The following BOD1L1 variants were observed in gnomAD, a reference collection of about 807,000 sequenced individuals.
BOD1L1 encodes biorientation of chromosomes in cell division protein 1-like 1.
A neutral mutation model predicts 240.7 loss-of-function variants in BOD1L1; 86 were observed. The ratio of observed to expected loss-of-function variants is 0.36; its 90% CI spans 0.30 to 0.43. The LOEUF is 0.43. BOD1L1 is among the 20% of genes least tolerant of loss of function. BOD1L1 has a pLI of 1.00. For missense variants in BOD1L1, 3,554 were observed against 3,643.5 expected (o/e 0.98, Z 0.63); for synonymous variants, 1,268 against 1,272.3 (o/e 1.00, Z 0.07).
chr4:13,599,067 G>A lies in BOD1L1; in HGVS notation c.7833C>T (p.Gly2611=). The A allele has an allele frequency of 6.2e-7, 1 of 1,613,922 alleles. No homozygotes were observed. The highest frequency in any genetic ancestry group is 1.1e-5 in the South Asian group (1 of 91,082). ...CAGCAGATGCTTGATCAGTCCATTT[G>A]CCACTATAATCATTCTTTATAGTCA... ...QDLTIKNDYS[G]KWTDQASAEK... is the part of the protein sequence containing the mutation. The change falls in exon 10 of 26, where the codon GGC becomes GGT. Residue 2611 remains glycine, a synonymous_variant. Transcript: ENST00000040738.
chr4:13,603,452 C>T lies in BOD1L1; in HGVS notation c.3448G>A (p.Asp1150Asn). The T allele has an allele frequency of 6.2e-7, 1 of 1,613,810 alleles. No individual in the cohort carries two copies. The highest frequency in any genetic ancestry group is 8.5e-7 in the Non-Finnish European group (1 of 1,179,850). The change falls in exon 10 of 26, where the codon GAC becomes AAC. Residue 1150 changes from aspartate (D) to asparagine (N), a missense_variant. Asp to Asn is a conservative substitution (Grantham distance 23). Transcript: ENST00000040738. The part of the protein sequence containing the change: ...NRNNNSQQDI[D>N]SENMKQKTSA... ...GTTTTTTGTTTCATATTTTCAGAGT[C>T]AATGTCTTGCTGAGAATTATTATTG...
At chr4:13,571,832 G>T (rs770801950) in intron 25 of BOD1L1, among the ~76,000 whole-genome samples, 1 of 152,180 alleles carries the variant, frequency 6.6e-6, no homozygotes, top group Non-Finnish European at 1.5e-5. Context: ...TAAAATAAGA[G>T]TAACTATTAC....
intron 25 of BOD1L1, among the ~76,000 whole-genome samples, chr4:13,576,430 A>C (rs1034502639): frequency 6.6e-6 from 1 of 152,180 alleles, no homozygotes; most frequent in African/African-American, 2.4e-5. Flanking sequence ...GGTGAGATGC[A>C]TGTGATGACG....
intron 13 of BOD1L1, among the ~76,000 whole-genome samples, chr4:13,591,705 GTTCTTTA>G (rs1714233933): frequency 6.6e-6 from 1 of 152,098 alleles, no homozygotes; most frequent in South Asian, 2.1e-4. Context: ...AAAGTTCAAA[GTTCTTTA>G]TCAGTGGGTA....
chr4:13,597,475 A>T (rs1714719183), intron 10 of BOD1L1, among the ~76,000 whole-genome samples: 2 of 152,226 alleles, frequency 1.3e-5, no homozygotes, highest in Non-Finnish European at 2.9e-5. Flanking sequence ...TTCTGCAGTG[A>T]TCTCCATCAA....
intron 1 of BOD1L1, among the ~76,000 whole-genome samples, chr4:13,622,604 C>A (rs1382507093): frequency 1.3e-5 from 2 of 152,174 alleles, no homozygotes; most frequent in African/African-American, 4.8e-5. Context: ...AAAATACACC[C>A]AGAATCTGAC....
rs1716514174 is a variant in BOD1L1, at chr4:13,615,468, T to C, written c.403A>G (p.Ile135Val). Residue 135 changes from isoleucine (I) to valine (V), a missense_variant, in exon 3 of 26, where the codon ATT becomes GTT. Ile to Val is a conservative substitution (Grantham distance 29). Coordinates refer to ENST00000040738, the MANE Select transcript of BOD1L1 (RefSeq NM_148894.3). ...ATCTTTGGGTCCACAACCTGAGAAA[T>C]AATTCGGTCAATACCAGACTCCAAC... The part of the protein sequence containing the change: ...GMLESGIDRI[I>V]SQVVDPKINH... The C allele has an allele frequency of 6.2e-7, 1 of 1,612,412 alleles. No homozygotes were observed. The highest frequency in any genetic ancestry group is 1.3e-5 in the African/African-American group (1 of 74,898).
intron 25 of BOD1L1, among the ~76,000 whole-genome samples, chr4:13,571,202 T>G (rs1712179092): frequency 6.6e-6 from 1 of 152,190 alleles, no homozygotes; most frequent in African/African-American, 2.4e-5. Flanking sequence ...CTGCTGAGAT[T>G]TATTCATTTT....
rs770795351 is a variant in BOD1L1, at chr4:13,600,575, T to C, written c.6325A>G (p.Arg2109Gly). Residue 2109 changes from arginine (R) to glycine (G), a missense_variant, in exon 10 of 26, where the codon AGA (arginine) becomes GGA (glycine). Arg to Gly is a moderately radical substitution (Grantham distance 125). Transcript: ENST00000040738. ...GCCTCAAATTCTTCTGTGGTTACTC[T>C]GGTACCTTCCATATTTTCTTCAGTT... ...LRTEENMEGT[R>G]VTTEEFEAPM... 6 of 1,613,818 alleles carry C rather than the reference T, an allele frequency of 3.7e-6. No homozygotes were observed. In the South Asian group the frequency reaches 6.6e-5, roughly 18 times the overall value.
chr4:13,620,438 G>C (rs566572630), intron 1 of BOD1L1, among the ~76,000 whole-genome samples: 1 of 152,300 alleles, frequency 6.6e-6, no homozygotes, highest in South Asian at 2.1e-4. Context: ...AATGAGAATG[G>C]CTGGCTTTGC....
chr4:13,625,096 T>A (rs1468312320), intron 1 of BOD1L1: 2 of 152,208 alleles, frequency 1.3e-5, no homozygotes, highest in African/African-American at 4.8e-5. Flanking sequence ...CTATTCCTAT[T>A]TCTAATTTTT....
intron 2 of BOD1L1, among the ~76,000 whole-genome samples, chr4:13,617,271 A>G (rs1716688534): frequency 1.4e-5 from 2 of 143,290 alleles, no homozygotes; most frequent in South Asian, 4.2e-4. Context: ...AGAAAATAGA[A>G]AAAAAAGTAC....
At chr4:13,577,896 G>T in intron 22 of BOD1L1, 1 of 317,710 alleles carries the variant, frequency 3.1e-6, no homozygotes, top group Non-Finnish European at 5.7e-6. Flanking sequence ...TAAGAAGTTG[G>T]ATTAGACTAC....
intron 3 of BOD1L1, 138 bp from the exon 4 acceptor site, chr4:13,614,948 G>C: frequency 1.0e-6 from 1 of 953,350 alleles, no homozygotes. Flanking sequence ...TAGACTTTCA[G>C]GTACCAGTAC....
intron 1 of BOD1L1, among the ~76,000 whole-genome samples, chr4:13,626,639 G>C (rs528287511): frequency 6.6e-6 from 1 of 152,208 alleles, no homozygotes; most frequent in African/African-American, 2.4e-5. Context: ...GAACCTTGTT[G>C]CTGTCCTTTC....
chr4:13,595,715 A>T lies in BOD1L1; in HGVS notation c.8104+145T>A, dbSNP rs577184803. The T allele has an allele frequency of 8.8e-6, 5 of 571,046 alleles. No homozygotes were observed. In the South Asian group the frequency reaches 1.4e-4, roughly 15 times the overall value. The allele number at this position is 571,046 out of a possible 1,614,324, so 35.4% of individuals were successfully genotyped here. ...TATGTTAAAAATAAAATAGTAAAGA[A>T]TTCTCCCTAATCTATTTTAAAAAGT... On this transcript the variant is annotated intron_variant, in intron 12 of 25. Coordinates refer to ENST00000040738, the MANE Select transcript of BOD1L1 (RefSeq NM_148894.3).
At chr4:13,617,833 T>C (rs1359959572) in intron 2 of BOD1L1, among the ~76,000 whole-genome samples, 3 of 152,182 alleles carry the variant, frequency 2.0e-5, no homozygotes, top group Admixed American at 6.5e-5. Context: ...TGAAATTATA[T>C]TTATTTACAG....
chr4:13,626,677 GCT>G (rs1362474971), intron 1 of BOD1L1, among the ~76,000 whole-genome samples: 1 of 152,030 alleles, frequency 6.6e-6, no homozygotes, highest in Non-Finnish European at 1.5e-5. Context: ...TCCTGAATCT[GCT>G]CTCTTTCCTG....
At position 13,604,608 on chromosome 4, in the gene BOD1L1, T is replaced by C. The variant is rs775536185; in HGVS notation, c.2292A>G (p.Lys764=). 8.9e-6 allele frequency: 14 copies of C among 1,575,568 alleles called. No homozygotes were observed. In the South Asian group the frequency reaches 1.7e-4, roughly 19 times the overall value. The part of the protein sequence containing the change: ...GDETELHSSE[K]GLKVEENIQK... ...GAATATTTTCCTCTACTTTTAAACC[T>C]TTCTCAGAAGAGTGAAGCTCAGTCT... is the stretch of plus-strand genomic sequence containing the variant. The change falls in exon 10 of 26, where the codon AAA becomes AAG. Residue 764 remains lysine (K), a synonymous_variant. Coordinates refer to ENST00000040738, the MANE Select transcript of BOD1L1 (RefSeq NM_148894.3).
Sources: gnomAD v4.1 joint callset for allele counts (sites outside exome capture counted in the v4.1 genomes callset) on GRCh38, gnomAD v4.1.1 for gene constraint, MANE v1.5 for transcripts, NCBI Gene and HGNC (gene_info 2026-07-23, HGNC 2026-07-21) for gene names.